PRELID2: variants seen among roughly 807,000 people sequenced by gnomAD.
PRELID2 encodes the protein PRELI domain-containing protein 2.
PRELID2 carries 25 observed loss-of-function variants against 28.4 expected under a neutral mutation model. The observed-to-expected ratio is 0.88, with a 90% CI of 0.64 to 1.23. PRELID2 has a LOEUF of 1.23. Among genes scored for constraint, PRELID2 ranks in the 50% most tolerant of loss-of-function variants. The pLI, the probability that PRELID2 is intolerant of heterozygous loss-of-function variation, is 0.00. For synonymous variants in PRELID2, 76 were observed against 71.6 expected, an observed-to-expected ratio of 1.06 and a Z score of -0.31; for missense variants, 201 against 214.4, an observed-to-expected ratio of 0.94 and a Z score of 0.39.
rs1756585519 is a variant in PRELID2 at position 145,739,368 on chromosome 5, GGTGGTGGGCACCT to G, written n.70+25550_70+25562del. ...AAAATACAAAAGAATAGCTGGGCATGGTGGTGGGCACCTGTAATTCCAGCTACTCGGGAGGGTA... is the reference window on the plus strand; with the variant it reads ...AAAATACAAAAGAATAGCTGGGCATGGTAATTCCAGCTACTCGGGAGGGTA... On this transcript the variant is annotated intron_variant and non_coding_transcript_variant, in intron 1 of 2. Coordinates refer to the PRELID2 transcript ENST00000510259. 2.6e-5 allele frequency among the ~76,000 whole-genome samples: 4 copies of G among 152,080 alleles called. No homozygotes were observed. The South Asian group carries it at 8.3e-4, about 31-fold the overall frequency.
At chr5:145,653,842 G>C (rs1287400282) in intron 1 of PRELID2, among the ~76,000 whole-genome samples, 1 of 152,134 alleles carries the variant, frequency 6.6e-6, no homozygotes, top group Non-Finnish European at 1.5e-5. Flanking sequence ...AAAAGAATTA[G>C]AGAAGCAAGA....
At chr5:145,621,827 C>A (rs1178576981) in intron 1 of PRELID2, among the ~76,000 whole-genome samples, 1 of 151,956 alleles carries the variant, frequency 6.6e-6, no homozygotes, top group Non-Finnish European at 1.5e-5. Flanking sequence ...TTTCAATAAG[C>A]TAGAAGAGAG....
chr5:145,593,418 C>T (rs1388681491), intron 1 of PRELID2, among the ~76,000 whole-genome samples: 1 of 152,034 alleles, frequency 6.6e-6, no homozygotes, highest in Non-Finnish European at 1.5e-5. Flanking sequence ...TCAAGAAGAC[C>T]CAAGAGTTAA....
the PRELID2 span, among the ~76,000 whole-genome samples, chr5:145,438,473 A>G: frequency 6.6e-6 from 1 of 151,998 alleles, no homozygotes; most frequent in Non-Finnish European, 1.5e-5. Flanking sequence ...ACCCTAAATA[A>G]ACCAACCTTG....
chr5:145,580,452 A>G (rs1431953735), intron 1 of PRELID2, among the ~76,000 whole-genome samples: 3 of 152,056 alleles, frequency 2.0e-5, no homozygotes, highest in African/African-American at 7.2e-5. Flanking sequence ...TGATTTTTCT[A>G]TACCATTCCC....
chr5:145,423,100 G>C, the PRELID2 span, among the ~76,000 whole-genome samples: 9 of 151,794 alleles, frequency 5.9e-5, 1 homozygote, highest in African/African-American at 2.2e-4. Flanking sequence ...TCTGCCGAGA[G>C]ATCCGCTGTT....
At chr5:145,453,127 T>C in the PRELID2 span, among the ~76,000 whole-genome samples, 3 of 152,216 alleles carry the variant, frequency 2.0e-5, no homozygotes, top group African/African-American at 7.2e-5. Context: ...GCTATAGGCA[T>C]ATGACTTATT....
At chr5:145,536,133 G>A (rs1159836098) in intron 1 of PRELID2, among the ~76,000 whole-genome samples, 1 of 151,898 alleles carries the variant, frequency 6.6e-6, no homozygotes, top group Non-Finnish European at 1.5e-5. Flanking sequence ...AAAAAGACCT[G>A]TGGTTCTCTC....
At chr5:145,827,926 G>A (rs1755303121) in intron 1 of PRELID2, among the ~76,000 whole-genome samples, 1 of 152,184 alleles carries the variant, frequency 6.6e-6, no homozygotes, top group African/African-American at 2.4e-5. Flanking sequence ...TAATAGCATT[G>A]TATCAGTGTT....
intron 1 of PRELID2, among the ~76,000 whole-genome samples, chr5:145,830,265 C>T (rs1231449889): frequency 6.6e-6 from 1 of 152,180 alleles, no homozygotes; most frequent in Non-Finnish European, 1.5e-5. Context: ...TTGACCACAG[C>T]ATAAAAAGAA....
downstream of PRELID2, among the ~76,000 whole-genome samples, chr5:145,467,131 C>A (rs528557898): frequency 6.6e-6 from 1 of 152,280 alleles, no homozygotes; most frequent in South Asian, 2.1e-4. Context: ...AAACATACTT[C>A]ACAGTCCTTC....
the PRELID2 span, among the ~76,000 whole-genome samples, chr5:145,239,954 G>A: frequency 0.048 from 7,348 of 151,992 alleles, 305 homozygotes; most frequent in African/African-American, 0.11. Flanking sequence ...TAAAAATATG[G>A]CCCCCAGCAA....
chr5:145,577,172 C>T (rs983593186), intron 1 of PRELID2, among the ~76,000 whole-genome samples: 3 of 152,110 alleles, frequency 2.0e-5, no homozygotes, highest in Non-Finnish European at 4.4e-5. Flanking sequence ...AGTGCACATA[C>T]ATCAGTGCAT....
chr5:145,273,052 G>A, the PRELID2 span, among the ~76,000 whole-genome samples: 4 of 152,186 alleles, frequency 2.6e-5, no homozygotes, highest in African/African-American at 4.8e-5. Context: ...GATCTTGATC[G>A]CCATGCTGGA....
At chr5:145,708,376 G>C (rs929673154) in intron 1 of PRELID2, among the ~76,000 whole-genome samples, 2 of 151,602 alleles carry the variant, frequency 1.3e-5, no homozygotes, top group Non-Finnish European at 2.9e-5. Flanking sequence ...AACCTCTCTG[G>C]GAACCAGTTT....
chr5:145,650,907 G>T (rs1332846155), intron 1 of PRELID2, among the ~76,000 whole-genome samples: 2 of 152,034 alleles, frequency 1.3e-5, no homozygotes, highest in Non-Finnish European at 2.9e-5. Flanking sequence ...TCAGACAGTG[G>T]GTGCAGGACA....
chr5:145,418,389 A>C, the PRELID2 span, among the ~76,000 whole-genome samples: 1 of 152,182 alleles, frequency 6.6e-6, no homozygotes, highest in Admixed American at 6.6e-5. Flanking sequence ...AAAAAAAACT[A>C]TTTTAAAATT....
At chr5:145,731,436 G>A (rs1338184153) in intron 1 of PRELID2, among the ~76,000 whole-genome samples, 1 of 152,160 alleles carries the variant, frequency 6.6e-6, no homozygotes, top group African/African-American at 2.4e-5. Flanking sequence ...GAACACTGTG[G>A]AACTCTTCAT....
intron 1 of PRELID2, among the ~76,000 whole-genome samples, chr5:145,746,351 A>C (rs2149746669): frequency 6.6e-6 from 1 of 152,102 alleles, no homozygotes; most frequent in South Asian, 2.1e-4. Context: ...GCAAAAAAAC[A>C]AACACAAAAA....
Sources: gnomAD v4.1 joint callset for allele counts (sites outside exome capture counted in the v4.1 genomes callset) on GRCh38, gnomAD v4.1.1 for gene constraint, MANE v1.5 for transcripts, NCBI Gene and HGNC (gene_info 2026-07-23, HGNC 2026-07-21) for gene names.